SH3RF3: variants seen among roughly 807,000 people sequenced by gnomAD.
The protein encoded by SH3RF3 is E3 ubiquitin-protein ligase SH3RF3.
A neutral mutation model predicts 66.3 loss-of-function variants in SH3RF3; 29 were observed. The observed-to-expected ratio is 0.44, with a 90% CI of 0.33 to 0.60. The LOEUF (loss-of-function observed/expected upper bound fraction) is 0.60, where lower values mean the gene tolerates loss of function less well. Ranked by LOEUF, SH3RF3 falls within the 20% of genes least tolerant of loss-of-function variation. SH3RF3 has a pLI of 0.04. For missense variants in SH3RF3, 1,194 were observed against 1,190.9 expected (o/e 1.00, Z -0.04); for synonymous variants, 583 against 532.0 (o/e 1.10, Z -1.32).
chr2:109,487,076 G>A (rs1009398400), intron 8 of SH3RF3, among the ~76,000 whole-genome samples: 21 of 152,152 alleles, frequency 1.4e-4, no homozygotes, highest in African/African-American at 4.6e-4. Flanking sequence ...GCAGAAGAAG[G>A]CAGTCAGGAA....
At chr2:109,438,940 G>A (rs1262607355) in intron 7 of SH3RF3, among the ~76,000 whole-genome samples, 1 of 152,172 alleles carries the variant, frequency 6.6e-6, no homozygotes, top group African/African-American at 2.4e-5. Context: ...GTTTCCACAT[G>A]CACCAGCACT....
rs115129496 is a variant in SH3RF3, at chr2:109,244,543, C to T, written c.574-103131C>T. Among the ~76,000 whole-genome samples the T allele has an allele frequency of 7.7e-3, 1,173 of 152,266 alleles. 10 individuals carry two copies. The highest frequency in any genetic ancestry group is 0.011 in the Non-Finnish European group (722 of 68,024). Reference sequence around the variant, plus strand: ...TTATAGGGCCCTAAGCTGTTTGGAACTGTTTTTAAGATGAGAGCTGTTCCA... The same window carrying T: ...TTATAGGGCCCTAAGCTGTTTGGAATTGTTTTTAAGATGAGAGCTGTTCCA... On this transcript the variant is annotated intron_variant, in intron 1 of 9. Transcript: ENST00000309415.
intron 1 of SH3RF3, among the ~76,000 whole-genome samples, chr2:109,225,549 G>A (rs967723457): frequency 1.3e-5 from 2 of 152,254 alleles, no homozygotes; most frequent in Non-Finnish European, 2.9e-5. Flanking sequence ...CTGAGAGTTA[G>A]GCCAGGGAAT....
At chr2:109,475,710 C>T (rs1008994147) in intron 8 of SH3RF3, among the ~76,000 whole-genome samples, 16 of 152,232 alleles carry the variant, frequency 1.1e-4, no homozygotes, top group African/African-American at 2.4e-4. Flanking sequence ...CGCTGCTGCA[C>T]CCCAGCTGTG....
chr2:109,455,723 T>C (rs1256760678), intron 8 of SH3RF3, among the ~76,000 whole-genome samples: 3 of 152,220 alleles, frequency 2.0e-5, no homozygotes, highest in Non-Finnish European at 4.4e-5. Context: ...GGTAGACCCT[T>C]ACTCGTCCAT....
At chr2:109,395,445 C>G (rs1224391114) in intron 3 of SH3RF3, among the ~76,000 whole-genome samples, 1 of 152,182 alleles carries the variant, frequency 6.6e-6, no homozygotes, top group African/African-American at 2.4e-5. Context: ...CTGGCTGCTG[C>G]AGGGATGCTG....
chr2:109,383,688 C>T (rs1308420482), intron 3 of SH3RF3, among the ~76,000 whole-genome samples: 2 of 152,132 alleles, frequency 1.3e-5, no homozygotes, highest in African/African-American at 4.8e-5. Flanking sequence ...AGCTTCATTT[C>T]GTTGCTGCTC....
At chr2:109,493,836 A>G (rs1275807289) in intron 9 of SH3RF3, among the ~76,000 whole-genome samples, 1 of 152,138 alleles carries the variant, frequency 6.6e-6, no homozygotes, top group South Asian at 2.1e-4. Flanking sequence ...TTGTACATCA[A>G]GCAACCACAT....
At chr2:109,209,531 C>G (rs1175050675) in intron 1 of SH3RF3, among the ~76,000 whole-genome samples, 1 of 152,082 alleles carries the variant, frequency 6.6e-6, no homozygotes, top group Admixed American at 6.5e-5. Flanking sequence ...GAGAACTGTG[C>G]AGTGTGTTAT....
intron 2 of SH3RF3, among the ~76,000 whole-genome samples, chr2:109,350,307 CCAG>C (rs1469952623): frequency 6.6e-6 from 1 of 152,172 alleles, no homozygotes; most frequent in Non-Finnish European, 1.5e-5. Flanking sequence ...CACGGGAGGC[CCAG>C]CATCTCCTGT....
At chr2:109,411,283 T>C (rs138926186) in intron 4 of SH3RF3, among the ~76,000 whole-genome samples, 1 of 152,364 alleles carries the variant, frequency 6.6e-6, no homozygotes, top group African/African-American at 2.4e-5. Context: ...TCTGTGCCTT[T>C]ACTCAGGAGT....
chr2:109,473,481 G>T (rs1190994463), intron 8 of SH3RF3, among the ~76,000 whole-genome samples: 1 of 152,186 alleles, frequency 6.6e-6, no homozygotes, highest in Non-Finnish European at 1.5e-5. Flanking sequence ...TAAAATAGCA[G>T]ATATAGGTGA....
intron 1 of SH3RF3, among the ~76,000 whole-genome samples, chr2:109,213,970 A>G (rs1016389599): frequency 6.6e-6 from 1 of 152,198 alleles, no homozygotes; most frequent in Admixed American, 6.5e-5. Context: ...CAGTCCCTGC[A>G]AAAGACCTGT....
At chr2:109,388,303 A>G in intron 3 of SH3RF3, among the ~76,000 whole-genome samples, 1 of 152,330 alleles carries the variant, frequency 6.6e-6, no homozygotes, top group South Asian at 2.1e-4. Flanking sequence ...TAGTTGCAGC[A>G]TGCCTGTTCT....
intron 1 of SH3RF3, among the ~76,000 whole-genome samples, chr2:109,269,624 T>TA (rs1016241517): frequency 1.3e-5 from 2 of 151,584 alleles, no homozygotes; most frequent in African/African-American, 2.4e-5. Flanking sequence ...CTACTAAAAA[T>TA]AAAAAAAATA....
intron 5 of SH3RF3, among the ~76,000 whole-genome samples, chr2:109,424,806 C>A (rs1487839235): frequency 6.6e-6 from 1 of 152,138 alleles, no homozygotes; most frequent in African/African-American, 2.4e-5. Flanking sequence ...CCCTTAGACA[C>A]AACAATACTG....
chr2:109,475,002 G>A (rs759277729), intron 8 of SH3RF3, among the ~76,000 whole-genome samples: 3 of 151,878 alleles, frequency 2.0e-5, no homozygotes, highest in Middle Eastern at 3.4e-3. Flanking sequence ...TTTTTGAGAC[G>A]GAGTCTCGCT....
At chr2:109,486,904 C>A (rs562790171) in intron 8 of SH3RF3, among the ~76,000 whole-genome samples, 1 of 152,190 alleles carries the variant, frequency 6.6e-6, no homozygotes, top group Non-Finnish European at 1.5e-5. Context: ...GCAAACGAGA[C>A]GTTTTGTTCC....
At chr2:109,233,823 G>A (rs1332103608) in intron 1 of SH3RF3, among the ~76,000 whole-genome samples, 1 of 152,152 alleles carries the variant, frequency 6.6e-6, no homozygotes, top group African/African-American at 2.4e-5. Flanking sequence ...TCTTGAGTCT[G>A]GCTTCTCTCA....
Sources: allele counts gnomAD v4.1 joint callset (sites outside exome capture counted in the v4.1 genomes callset), GRCh38; gene constraint gnomAD v4.1.1; transcripts MANE v1.5; gene names NCBI Gene and HGNC (gene_info 2026-07-23, HGNC 2026-07-21).